EPB41: variants seen among roughly 807,000 people sequenced by gnomAD.
EPB41 encodes the protein protein 4.1.
In EPB41, 65 loss-of-function variants were observed where a neutral mutation model predicts 108.0. The ratio of observed to expected loss-of-function variants is 0.60; its 90% confidence interval spans 0.49 to 0.74. The LOEUF (loss-of-function observed/expected upper bound fraction) is 0.74, where lower values mean the gene tolerates loss of function less well. Among genes scored for constraint, EPB41 ranks in the 30% least tolerant of loss-of-function variants. The probability of loss-of-function intolerance (pLI) is 0.00; values close to 1 mark genes in which losing one functional copy is unlikely to be tolerated. For missense variants in EPB41, 875 were observed against 1,037.0 expected, an observed-to-expected ratio of 0.84 and a Z score of 2.15; for synonymous variants, 336 against 358.9, an observed-to-expected ratio of 0.94 and a Z score of 0.72.
At chr1:29,028,779 C>T (rs897724503) in intron 7 of EPB41, among the ~76,000 whole-genome samples, 18 of 152,290 alleles carry the variant, frequency 1.2e-4, no homozygotes, top group African/African-American at 3.8e-4. Flanking sequence ...TGGTGGCTCA[C>T]GCTTGTAATC....
intron 1 of EPB41, among the ~76,000 whole-genome samples, chr1:28,929,540 A>AT (rs1034635622): frequency 8.6e-6 from 1 of 116,636 alleles, no homozygotes; most frequent in African/African-American, 3.3e-5. Flanking sequence ...AATTTTTACT[A>AT]TTTTTTTTGA....
At chr1:29,007,216 CG>C (rs888196201) in intron 4 of EPB41, among the ~76,000 whole-genome samples, 2 of 152,034 alleles carry the variant, frequency 1.3e-5, no homozygotes, top group African/African-American at 4.8e-5. Context: ...TTCAGCCTCC[CG>C]GCCTCGTTAC....
intron 1 of EPB41, among the ~76,000 whole-genome samples, chr1:28,900,986 G>A (rs181175619): frequency 2.7e-3 from 415 of 152,248 alleles, no homozygotes; most frequent in Non-Finnish European, 4.4e-3. Context: ...CTGGAGTGCA[G>A]TGGCGAGATC....
At chr1:28,958,000 A>G (rs915395355) in intron 1 of EPB41, among the ~76,000 whole-genome samples, 1 of 151,604 alleles carries the variant, frequency 6.6e-6, no homozygotes, top group Non-Finnish European at 1.5e-5. Flanking sequence ...TTTTTTTTAG[A>G]AATGGAGTCT....
chr1:28,887,207 C>T lies in EPB41; in HGVS notation c.-11C>T. On this transcript the variant is annotated 5_prime_UTR_variant, in exon 1 of 17. Coordinates refer to the EPB41 transcript ENST00000347529. This position sits in a 1 kb window ranked among gnomAD's most constrained non-coding sequence, Gnocchi z 4.9. ...CGGCCCGGTCCCCGCCGCACCCAGC[C>T]CAGGTGAGCCTGGACCACCTGGGGG... 3.1e-6 allele frequency: 4 copies of T among 1,280,724 alleles called. No homozygotes were observed. Among genetic ancestry groups the T allele is most frequent in the Non-Finnish European group, 4.1e-6 (4 of 981,940 alleles). 79.3% of individuals were successfully genotyped at this position (1,280,724 alleles called of 1,614,324 possible).
At chr1:28,950,769 C>A (rs1260462615) in intron 1 of EPB41, among the ~76,000 whole-genome samples, 2 of 152,304 alleles carry the variant, frequency 1.3e-5, no homozygotes, top group East Asian at 3.9e-4. Context: ...CATTTCCTAC[C>A]TCTCTTTACA....
chr1:29,103,994 A>G (rs1193278811), intron 17 of EPB41, among the ~76,000 whole-genome samples: 1 of 152,180 alleles, frequency 6.6e-6, no homozygotes, highest in Non-Finnish European at 1.5e-5. Context: ...CTTATGCTAG[A>G]CAGTGGGGTA....
intron 4 of EPB41, 91 bp from the exon 5 acceptor site, chr1:29,011,774 C>A: frequency 7.3e-7 from 1 of 1,372,772 alleles, no homozygotes; most frequent in Non-Finnish European, 1.0e-6. Flanking sequence ...TCTGGAGGCA[C>A]TATTTGAAGA....
intron 16 of EPB41, among the ~76,000 whole-genome samples, chr1:29,080,942 T>C (rs1478278888): frequency 6.6e-6 from 1 of 152,182 alleles, no homozygotes; most frequent in Non-Finnish European, 1.5e-5. Context: ...TTGCTACTAA[T>C]CATTAAGGAA....
chr1:28,888,463 T>G (rs921837261), intron 1 of EPB41, among the ~76,000 whole-genome samples: 3 of 152,138 alleles, frequency 2.0e-5, no homozygotes, highest in Admixed American at 2.0e-4. Flanking sequence ...AAGGGACTTC[T>G]GCATGTTGGG....
chr1:29,039,512 T>G, intron 11 of EPB41, 86 bp downstream of exon 11: 1 of 1,547,750 alleles, frequency 6.5e-7, no homozygotes, highest in Non-Finnish European at 8.8e-7. Context: ...GAGAACCGAA[T>G]TAAAGAAGCT....
At chr1:29,112,533 T>C in intron 19 of EPB41, 85 bp downstream of exon 19, 1 of 1,163,192 alleles carries the variant, frequency 8.6e-7, no homozygotes, top group Non-Finnish European at 1.3e-6. Flanking sequence ...GCCATCTTCA[T>C]CTGCAAAAAG....
At chr1:29,057,033 A>G (rs368090826) in intron 12 of EPB41, among the ~76,000 whole-genome samples, 27 of 152,124 alleles carry the variant, frequency 1.8e-4, no homozygotes, top group East Asian at 9.6e-4. Flanking sequence ...AGGGGTAAAA[A>G]AAACTTGTTA....
chr1:29,109,881 T>C (rs1668570619), intron 18 of EPB41: 2 of 227,064 alleles, frequency 8.8e-6, no homozygotes, highest in Non-Finnish European at 1.8e-5. Flanking sequence ...TAAGAATACA[T>C]AAATTAGCCG....
At chr1:29,075,549 A>T (rs1653668210) in intron 16 of EPB41, among the ~76,000 whole-genome samples, 1 of 152,190 alleles carries the variant, frequency 6.6e-6, no homozygotes, top group Non-Finnish European at 1.5e-5. Context: ...TGGGTAAATG[A>T]TAGAATAACT....
intron 1 of EPB41, among the ~76,000 whole-genome samples, chr1:28,972,115 G>A (rs2095509801): frequency 6.6e-6 from 1 of 152,046 alleles, no homozygotes; most frequent in Admixed American, 6.6e-5. Flanking sequence ...TAGAGATAAG[G>A]TTTCACCATG....
At chr1:28,939,413 G>C (rs780451497) in intron 1 of EPB41, among the ~76,000 whole-genome samples, 1 of 151,594 alleles carries the variant, frequency 6.6e-6, no homozygotes, top group African/African-American at 2.4e-5. Flanking sequence ...ATTTTGTTGA[G>C]GGTTTTTGTG....
intron 1 of EPB41, among the ~76,000 whole-genome samples, chr1:28,953,629 C>T (rs1044704414): frequency 6.6e-6 from 1 of 152,168 alleles, no homozygotes; most frequent in South Asian, 2.1e-4. Context: ...GATCCAAGAA[C>T]CTGATGAATT....
intron 1 of EPB41, chr1:28,982,516 C>G: frequency 3.1e-6 from 3 of 965,026 alleles, no homozygotes; most frequent in Non-Finnish European, 5.1e-6. Flanking sequence ...ATCTGAGGTG[C>G]TATCATCAAT....
Sources: allele counts gnomAD v4.1 joint callset (sites outside exome capture counted in the v4.1 genomes callset), GRCh38; gene constraint gnomAD v4.1.1; non-coding constraint Gnocchi (gnomAD v3.1); transcripts MANE v1.5; gene names NCBI Gene and HGNC (gene_info 2026-07-23, HGNC 2026-07-21).